The following LINGO2 variants were observed in gnomAD, a reference collection of about 807,000 sequenced individuals.
LINGO2 encodes the protein leucine-rich repeat and immunoglobulin-like domain-containing nogo receptor-interacting protein 2.
In LINGO2, 14 loss-of-function variants were observed where a neutral mutation model predicts 30.6. That is an observed-to-expected ratio of 0.46 (90% CI 0.30 to 0.72). The LOEUF is 0.72. LINGO2 is among the 30% of genes least tolerant of loss of function. The probability of loss-of-function intolerance (pLI) is 0.07; values close to 1 mark genes in which losing one functional copy is unlikely to be tolerated. For synonymous variants in LINGO2, 317 were observed against 288.5 expected (o/e 1.10, Z -1.00); for missense variants, 729 against 751.7 (o/e 0.97, Z 0.35).
intron 5 of LINGO2, among the ~76,000 whole-genome samples, chr9:27,970,143 C>G (rs1240675492): frequency 1.3e-5 from 2 of 152,134 alleles, no homozygotes; most frequent in African/African-American, 4.8e-5. Flanking sequence ...TGACCATAGA[C>G]TATACCACAC....
At chr9:28,651,182 CA>C (rs5897316) in intron 1 of LINGO2, among the ~76,000 whole-genome samples, 44,252 of 130,032 alleles carry the variant, frequency 0.34, 7,617 homozygotes, top group African/African-American at 0.52. Context: ...GACTCAGTCT[CA>C]AAAAAAAAAA....
At chr9:28,540,203 T>C (rs1051409592) in intron 1 of LINGO2, among the ~76,000 whole-genome samples, 2 of 152,186 alleles carry the variant, frequency 1.3e-5, no homozygotes, top group Middle Eastern at 3.4e-3. Context: ...TCTCCCTTTA[T>C]ACCATTTTTC....
chr9:28,626,988 G>A lies in LINGO2; in HGVS notation c.-365+43212C>T, dbSNP rs964831966. 3.3e-5 allele frequency among the ~76,000 whole-genome samples: 5 copies of A among 151,524 alleles called. No individual in the cohort carries two copies. The South Asian group carries it at 1.0e-3, about 32-fold the overall frequency. On this transcript the variant is annotated intron_variant, in intron 1 of 5. Coordinates refer to ENST00000379992, the Ensembl canonical transcript of LINGO2. ...TTATTAGCTGATGCATTTCTCCTGG[G>A]CTACATCACATTTTCCTGCTTTTTT...
intron 5 of LINGO2, among the ~76,000 whole-genome samples, chr9:27,982,864 G>A (rs917937232): frequency 1.3e-5 from 2 of 151,682 alleles, no homozygotes; most frequent in Non-Finnish European, 2.9e-5. Flanking sequence ...ATGGTTGAGG[G>A]GAGTTAATGA....
chr9:28,445,507 T>C (rs1318630794), intron 2 of LINGO2, among the ~76,000 whole-genome samples: 1 of 152,226 alleles, frequency 6.6e-6, no homozygotes, highest in African/African-American at 2.4e-5. Context: ...GTAGCAGGCT[T>C]GTGAAGGAGA....
At chr9:28,039,457 C>T (rs897874328) in intron 4 of LINGO2, among the ~76,000 whole-genome samples, 3 of 151,962 alleles carry the variant, frequency 2.0e-5, no homozygotes, top group African/African-American at 7.3e-5. Context: ...AAAAATAAAG[C>T]TTAACAAAGG....
intron 3 of LINGO2, among the ~76,000 whole-genome samples, chr9:28,318,388 T>G (rs1238443967): frequency 2.0e-5 from 3 of 152,178 alleles, no homozygotes; most frequent in African/African-American, 7.2e-5. Flanking sequence ...ATCTCCAAAT[T>G]TCTGTTTGGG....
At chr9:28,631,955 A>G (rs1249563840) in intron 1 of LINGO2, among the ~76,000 whole-genome samples, 2 of 152,206 alleles carry the variant, frequency 1.3e-5, no homozygotes, top group African/African-American at 2.4e-5. Context: ...ATAATAAGAC[A>G]GAGTCTATAC....
intron 1 of LINGO2, among the ~76,000 whole-genome samples, chr9:28,596,823 A>G (rs925227831): frequency 1.3e-5 from 2 of 152,176 alleles, no homozygotes; most frequent in Non-Finnish European, 2.9e-5. Context: ...ACTTTGAAAC[A>G]AAGCAAGTTC....
rs535337339 is a variant in LINGO2 at position 28,230,759 on chromosome 9, C to T, written c.-87+64449G>A. 3.9e-5 allele frequency among the ~76,000 whole-genome samples: 6 copies of T among 151,972 alleles called. No homozygotes were observed. The South Asian group carries it at 1.2e-3, about 31-fold the overall frequency. On this transcript the variant is annotated intron_variant, in intron 4 of 5. Transcript: ENST00000379992. ...CCCATACAGGAAATGGATGTGCATA[C>T]TCACTTATTTCTGTCTTCTTGCATG...
chr9:28,799,176 A>G, the LINGO2 span, among the ~76,000 whole-genome samples: 1 of 152,092 alleles, frequency 6.6e-6, no homozygotes, highest in Non-Finnish European at 1.5e-5. Flanking sequence ...AAGAATCATG[A>G]AGGAGTAGTG....
chr9:28,491,022 C>T (rs1369512229), intron 1 of LINGO2, among the ~76,000 whole-genome samples: 1 of 152,140 alleles, frequency 6.6e-6, no homozygotes, highest in Non-Finnish European at 1.5e-5. Context: ...TTGAAGGATA[C>T]ATGAATAATT....
chr9:28,761,101 T>A, the LINGO2 span, among the ~76,000 whole-genome samples: 1 of 151,932 alleles, frequency 6.6e-6, no homozygotes, highest in South Asian at 2.1e-4. Context: ...GAATAATGAC[T>A]TCTTTTACTC....
At chr9:28,055,571 T>C (rs1824891041) in intron 4 of LINGO2, among the ~76,000 whole-genome samples, 1 of 152,198 alleles carries the variant, frequency 6.6e-6, no homozygotes, top group Non-Finnish European at 1.5e-5. Flanking sequence ...TCGTTCGAAG[T>C]GTAAGGCTTC....
chr9:28,028,874 C>A (rs543983870), intron 4 of LINGO2, among the ~76,000 whole-genome samples: 5 of 152,208 alleles, frequency 3.3e-5, no homozygotes, highest in African/African-American at 1.2e-4. Context: ...CACACACAAG[C>A]ACACATTTGT....
intron 3 of LINGO2, among the ~76,000 whole-genome samples, chr9:28,359,720 T>C (rs1820367122): frequency 6.6e-6 from 1 of 152,142 alleles, no homozygotes; most frequent in Admixed American, 6.5e-5. Context: ...ACATACCCAA[T>C]GTGTATAGTG....
chr9:29,073,109 C>T, the LINGO2 span, among the ~76,000 whole-genome samples: 286 of 151,620 alleles, frequency 1.9e-3, 1 homozygote, highest in African/African-American at 6.5e-3. Flanking sequence ...TTTAAACAAC[C>T]GTTGTATAAA....
the LINGO2 span, among the ~76,000 whole-genome samples, chr9:29,019,582 A>C: frequency 6.6e-6 from 1 of 152,168 alleles, no homozygotes; most frequent in African/African-American, 2.4e-5. Flanking sequence ...GAAACTGGAC[A>C]GTTCAGCCTA....
intron 5 of LINGO2, among the ~76,000 whole-genome samples, chr9:27,955,666 T>A (rs1819526663): frequency 8.2e-6 from 1 of 121,376 alleles, no homozygotes; most frequent in South Asian, 3.0e-4. Context: ...GTAGTATTGT[T>A]TTGTCACAAC....
Sources: gnomAD v4.1 joint callset for allele counts (sites outside exome capture counted in the v4.1 genomes callset) on GRCh38, gnomAD v4.1.1 for gene constraint, MANE v1.5 for transcripts, NCBI Gene and HGNC (gene_info 2026-07-23, HGNC 2026-07-21) for gene names.